BRCA1: variants seen among roughly 807,000 people sequenced by gnomAD.
BRCA1 encodes the protein BRCA1 DNA repair associated.
Under a neutral mutation model 173.7 loss-of-function variants are expected in BRCA1, and 140 were observed. That is an observed-to-expected ratio of 0.81 (90% confidence interval 0.70 to 0.93). The LOEUF (loss-of-function observed/expected upper bound fraction) is 0.93, where lower values mean the gene tolerates loss of function less well. Among genes scored for constraint, BRCA1 ranks in the 40% least tolerant of loss-of-function variants. The pLI, the probability that BRCA1 is intolerant of heterozygous loss-of-function variation, is 0.00. For synonymous variants in BRCA1, 662 were observed against 756.0 expected (o/e 0.88, Z 2.04); for missense variants, 1,983 against 2,172.5 (o/e 0.91, Z 1.73).
At chr17:43,144,950 G>A in intron 1 of BRCA1, 1 of 600,702 alleles carries the variant, frequency 1.7e-6, no homozygotes. Context: ...CTTCCCTGCT[G>A]CCAGGATGCC....
chr17:43,067,503 C>T (rs993422728), intron 16 of BRCA1, 105 bp downstream of exon 16: 5 of 882,058 alleles, frequency 5.7e-6, no homozygotes, highest in Non-Finnish European at 9.3e-6. Flanking sequence ...ATCTGCCCGC[C>T]TCGGCCTCCC....
chr17:43,156,573 C>T (rs1214704432), intron 1 of BRCA1, among the ~76,000 whole-genome samples: 1 of 152,160 alleles, frequency 6.6e-6, no homozygotes, highest in Non-Finnish European at 1.5e-5. Context: ...GGTATTATTA[C>T]TGGGACCAAA....
intron 1 of BRCA1, among the ~76,000 whole-genome samples, chr17:43,156,332 T>C (rs1189206973): frequency 6.6e-6 from 1 of 152,170 alleles, no homozygotes; most frequent in African/African-American, 2.4e-5. Flanking sequence ...TCATGGTGTT[T>C]CTGACGTAGC....
intron 11 of BRCA1, among the ~76,000 whole-genome samples, chr17:43,087,336 A>G (rs1209361697): frequency 6.6e-6 from 1 of 152,212 alleles, no homozygotes; most frequent in Non-Finnish European, 1.5e-5. Flanking sequence ...ATAGAATCCC[A>G]TATAGTAATT....
chr17:43,121,522 T>C (rs1372381635), intron 2 of BRCA1, among the ~76,000 whole-genome samples: 4 of 151,358 alleles, frequency 2.6e-5, no homozygotes, highest in Non-Finnish European at 5.9e-5. Context: ...CTGTCTCTAC[T>C]AAAAATACAA....
In BRCA1 at chr17:43,076,448, A is replaced by T. The variant is rs1159005094; in HGVS notation, c.4484+40T>A. On this transcript the variant is annotated intron_variant, in intron 13 of 22. Coordinates refer to ENST00000357654, the MANE Select transcript of BRCA1 (RefSeq NM_007294.4). ...CAATCAGAGTTCAATATAAATAAAG[A>T]TGTCAGATACCACAGCATCTTTACA... is the stretch of plus-strand genomic sequence containing the variant. 7 of 1,608,816 alleles carry T rather than the reference A, an allele frequency of 4.4e-6. No individual in the cohort carries two copies. Among genetic ancestry groups the T allele is most frequent in the African/African-American group, 4.0e-5 (3 of 74,804 alleles).
At chr17:43,156,285 C>A (rs562108105) in intron 1 of BRCA1, among the ~76,000 whole-genome samples, 2 of 151,814 alleles carry the variant, frequency 1.3e-5, no homozygotes, top group East Asian at 1.9e-4. Flanking sequence ...GGGACAGTAA[C>A]CTTATTGTGA....
chr17:43,081,527 G>C lies in BRCA1; in HGVS notation c.4357+877C>G, dbSNP rs150670602. ...AGAAGGAACTTTAACACTCAGATAA[G>C]AATCACTGAGCTAGGAATGAAGTGT... On this transcript the variant is annotated intron_variant, in intron 12 of 22. Transcript: ENST00000357654. 4.0e-3 allele frequency among the ~76,000 whole-genome samples: 605 copies of C among 152,272 alleles called. 6 individuals are homozygous for C. Among genetic ancestry groups the C allele is most frequent in the African/African-American group, 0.014 (581 of 41,546 alleles).
intron 1 of BRCA1, among the ~76,000 whole-genome samples, chr17:43,150,844 A>G (rs1392705592): frequency 1.3e-5 from 2 of 152,166 alleles, no homozygotes; most frequent in Non-Finnish European, 2.9e-5. Flanking sequence ...CTAGTTTGCC[A>G]AAGAGTCTCT....
chr17:43,121,025 G>A (rs1464002358), intron 2 of BRCA1, among the ~76,000 whole-genome samples: 1 of 151,052 alleles, frequency 6.6e-6, no homozygotes, highest in Non-Finnish European at 1.5e-5. Flanking sequence ...AGCCAAGATG[G>A]CGCCACTGCA....
intron 14 of BRCA1, among the ~76,000 whole-genome samples, chr17:43,074,009 G>A (rs1458992636): frequency 2.6e-5 from 4 of 151,950 alleles, no homozygotes; most frequent in Admixed American, 2.6e-4. Flanking sequence ...CACCTGCCTC[G>A]GCCTCCTGGA....
chr17:43,048,893 T>C (rs2051059143), intron 21 of BRCA1, among the ~76,000 whole-genome samples: 1 of 151,828 alleles, frequency 6.6e-6, no homozygotes, highest in Non-Finnish European at 1.5e-5. Flanking sequence ...GGGAGGGACA[T>C]ATGGGAAAAA....
chr17:43,093,348 C>T lies in BRCA1; in HGVS notation c.2183G>A (p.Arg728Lys), dbSNP rs80357335. The change falls in exon 10 of 23, where the codon AGA becomes AAA. Residue 728 changes from arginine to lysine, a missense_variant. Arg to Lys is a conservative substitution (Grantham distance 26). Coordinates refer to ENST00000357654, the MANE Select transcript of BRCA1 (RefSeq NM_007294.4). The stretch of plus-strand genomic sequence containing the variant: ...TTCTAGTTTCTCTTCTTTTTCTTCT[C>T]TTGGAAGGCTAGGATTGACAAATTC... Reference protein sequence around the residue: ...LKEFVNPSLPREEKEEKLETV... With the variant: ...LKEFVNPSLPKEEKEEKLETV... The T allele has an allele frequency of 8.7e-6, 14 of 1,613,300 alleles. No homozygotes were observed. The highest frequency in any genetic ancestry group is 8.5e-6 in the Non-Finnish European group (10 of 1,179,836).
intron 1 of BRCA1, among the ~76,000 whole-genome samples, chr17:43,131,981 A>T (rs2055970633): frequency 1.3e-5 from 2 of 152,048 alleles, no homozygotes; most frequent in South Asian, 4.1e-4. Flanking sequence ...ATGGGGTTTC[A>T]CCATGTTGGC....
intron 2 of BRCA1, among the ~76,000 whole-genome samples, chr17:43,118,112 G>A (rs2154567995): frequency 6.6e-6 from 1 of 152,310 alleles, no homozygotes; most frequent in African/African-American, 2.4e-5. Flanking sequence ...AGGTTTCACT[G>A]AGGTGAGACT....
chr17:43,072,524 T>G (rs1159762391), intron 14 of BRCA1, among the ~76,000 whole-genome samples: 1 of 151,544 alleles, frequency 6.6e-6, no homozygotes, highest in Non-Finnish European at 1.5e-5. Context: ...TGTCTCAGCC[T>G]CCTGAGTAGC....
intron 15 of BRCA1, 140 bp from the exon 16 acceptor site, chr17:43,067,835 A>ATTT: frequency 6.2e-6 from 2 of 322,388 alleles, no homozygotes; most frequent in South Asian, 3.4e-5. Context: ...ATTTAAAGTG[A>ATTT]ATTTTTTTTT....
chr17:43,139,243 A>C (rs1190669779), intron 1 of BRCA1, among the ~76,000 whole-genome samples: 2 of 107,700 alleles, frequency 1.9e-5, no homozygotes, highest in South Asian at 2.9e-4. Flanking sequence ...TTTTTTTTTT[A>C]ACTTTTATTT....
At chr17:43,061,675 C>T (rs1035068844) in intron 18 of BRCA1, among the ~76,000 whole-genome samples, 6 of 151,772 alleles carry the variant, frequency 4.0e-5, no homozygotes, top group Non-Finnish European at 7.4e-5. Flanking sequence ...CTCCGCCTCC[C>T]GGGTTCAAGT....
Sources: allele counts gnomAD v4.1 joint callset (sites outside exome capture counted in the v4.1 genomes callset), GRCh38; gene constraint gnomAD v4.1.1; transcripts MANE v1.5; gene names NCBI Gene and HGNC (gene_info 2026-07-23, HGNC 2026-07-21).